Variants in UBTF observed in about 807,000 individuals in gnomAD.
UBTF encodes nucleolar transcription factor 1.
UBTF carries 8 observed loss-of-function variants against 112.3 expected under a neutral mutation model. The observed-to-expected ratio is 0.07, with a 90% CI of 0.04 to 0.13. UBTF has a LOEUF of 0.13. Among genes scored for constraint, UBTF ranks in the 10% least tolerant of loss-of-function variants. The probability of loss-of-function intolerance (pLI) is 1.00; values close to 1 mark genes in which losing one functional copy is unlikely to be tolerated. For synonymous variants in UBTF, 417 were observed against 373.1 expected (o/e 1.12, Z -1.36); for missense variants, 457 against 982.1 (o/e 0.47, Z 7.15).
intron 2 of UBTF, 108 bp from the exon 3 acceptor site, chr17:44,216,812 G>T: frequency 8.8e-7 from 1 of 1,130,402 alleles, no homozygotes; most frequent in Non-Finnish European, 1.3e-6. Context: ...CCCAGCCCCT[G>T]GTTGCTTCCC....
At chr17:44,213,405 G>A in intron 5 of UBTF, 123 bp from the exon 6 acceptor site, 3 of 1,099,326 alleles carry the variant, frequency 2.7e-6, no homozygotes, top group Non-Finnish European at 3.8e-6. Flanking sequence ...AGGGAGTGGA[G>A]GCTGGCGCCC....
chr17:44,210,444 G>A lies in UBTF; in HGVS notation c.1389C>T (p.Leu463=). The A allele has an allele frequency of 1.2e-6, 2 of 1,612,956 alleles. No homozygotes were observed. Among genetic ancestry groups the A allele is most frequent in the South Asian group, 2.2e-5 (2 of 91,054 alleles). Residue 463 remains leucine (L), a synonymous_variant, in exon 14 of 21, where the codon CTC becomes CTT. Coordinates refer to ENST00000436088, the MANE Select transcript of UBTF (RefSeq NM_014233.4). The part of the protein sequence containing the change: ...KAKYKAREAA[L]KAQSERKPGG... The stretch of plus-strand genomic sequence containing the variant: ...CGGGCTTCCTCTCCGACTGAGCCTT[G>A]AGCGCCGCCTCTCGGGCCTTGTACT...
In UBTF at chr17:44,218,333, G is replaced by A. The variant is rs960192529; in HGVS notation, c.-67-37C>T. 3.8e-6 allele frequency: 5 copies of A among 1,322,992 alleles called. No individual in the cohort carries two copies. The Admixed American group carries it at 5.8e-5, about 15-fold the overall frequency. The allele number at this position is 1,322,992 out of a possible 1,614,324, so 82.0% of individuals were successfully genotyped here. ...ATACCAGTTCCCACTCAGGAAGGCT[G>A]AGAGGTGAACGACTAACGACTTTCT... is the stretch of plus-strand genomic sequence containing the variant. On this transcript the variant is annotated intron_variant, in intron 1 of 20. Transcript: ENST00000436088.
chr17:44,212,323 G>A (rs988697985), intron 8 of UBTF, 21 bp downstream of exon 8: 8 of 1,597,424 alleles, frequency 5.0e-6, no homozygotes, highest in Non-Finnish European at 1.7e-6. Flanking sequence ...CGGACGGGGA[G>A]GAGCGCAGCG....
chr17:44,220,511 A>AG (rs891565076), upstream of UBTF, among the ~76,000 whole-genome samples: 24 of 151,640 alleles, frequency 1.6e-4, no homozygotes, highest in African/African-American at 4.6e-4. Context: ...AACTTAAAAA[A>AG]AAACCCGAAA....
chr17:44,212,727 G>A (rs910909621), intron 7 of UBTF, 92 bp downstream of exon 7: 104 of 1,564,032 alleles, frequency 6.6e-5, no homozygotes, highest in Admixed American at 3.6e-5. Flanking sequence ...CTCCTCTCCT[G>A]CTCCCCTGCA....
Position 44,211,362 on chromosome 17 carries a change from T to C in UBTF, c.1048-31A>G, listed in dbSNP as rs998524537. 20 of 1,613,252 alleles carry C rather than the reference T, an allele frequency of 1.2e-5. No individual in the cohort carries two copies. The highest frequency in any genetic ancestry group is 1.6e-5 in the Non-Finnish European group (19 of 1,179,766). On this transcript the variant is annotated intron_variant, in intron 10 of 20. Transcript: ENST00000436088. The surrounding 1 kb of genome is among the most constrained non-coding windows in gnomAD (Gnocchi z 4.9). ...AAAGTGAGTGGAGTCAGGATCAGTCTGGAGACAGTGTCACCACAGACCCTG... is the reference window on the plus strand; with the variant it reads ...AAAGTGAGTGGAGTCAGGATCAGTCCGGAGACAGTGTCACCACAGACCCTG...
In UBTF at chr17:44,212,488, A is replaced by T. The variant is rs1225229823; in HGVS notation, c.661-34T>A. The T allele has an allele frequency of 8.3e-5, 45 of 543,536 alleles. No homozygotes were observed. In the Admixed American group the frequency reaches 1.0e-3, roughly 12 times the overall value. 33.7% of individuals were successfully genotyped at this position (543,536 alleles called of 1,614,324 possible). The stretch of plus-strand genomic sequence containing the variant: ...CAAAAGCCGTCAGACACGCACAGGC[A>T]GCCAGGGGCAGGGGGAGGGGGGAAG... On this transcript the variant is annotated intron_variant, in intron 7 of 20. Transcript: ENST00000436088.
In UBTF at chr17:44,210,307, A is replaced by G; in HGVS notation, c.1515+11T>C. 6.2e-7 allele frequency: 1 copy of G among 1,614,040 alleles called. No individual in the cohort carries two copies. Among genetic ancestry groups the G allele is most frequent in the Non-Finnish European group, 8.5e-7 (1 of 1,179,980 alleles). Reference sequence around the variant, plus strand: ...AGAGGCTGCAGTACTACCCTTTCCCACCCCTGTCACCTTGAAGCGGGCCAG... The same window carrying G: ...AGAGGCTGCAGTACTACCCTTTCCCGCCCCTGTCACCTTGAAGCGGGCCAG... On this transcript the variant is annotated intron_variant, in intron 14 of 20. Coordinates refer to ENST00000436088, the MANE Select transcript of UBTF (RefSeq NM_014233.4).
At chr17:44,218,401 C>A in intron 1 of UBTF, 105 bp from the exon 2 acceptor site, 1 of 662,218 alleles carries the variant, frequency 1.5e-6, no homozygotes, top group Admixed American at 2.8e-5. Flanking sequence ...CTCTGAGAGA[C>A]TCAGCCATGA....
rs779464840 is a variant in UBTF, at chr17:44,211,759, G to A, written c.906-12C>T. 1.1e-5 allele frequency: 18 copies of A among 1,603,654 alleles called. No homozygotes were observed. The highest frequency in any genetic ancestry group is 8.0e-5 in the African/African-American group (6 of 74,862). Reference sequence around the variant, plus strand: ...GCGAGTAGCTGTTCCTATCAGAGCCGCGGGGAGAGAGGTGCAGCCCGTAAG... The same window carrying A: ...GCGAGTAGCTGTTCCTATCAGAGCCACGGGGAGAGAGGTGCAGCCCGTAAG... On this transcript the variant is annotated splice_polypyrimidine_tract_variant and intron_variant, in intron 9 of 20. Coordinates refer to ENST00000436088, the MANE Select transcript of UBTF (RefSeq NM_014233.4). This position sits in a 1 kb window ranked among gnomAD's most constrained non-coding sequence, Gnocchi z 4.9.
intron 6 of UBTF, 130 bp downstream of exon 6, chr17:44,213,088 A>G: frequency 6.5e-7 from 1 of 1,528,846 alleles, no homozygotes; most frequent in Non-Finnish European, 8.9e-7. Context: ...TGAGCATGAC[A>G]CACTAGGGCT....
At chr17:44,219,289 C>T (rs1477133331) in intron 1 of UBTF, among the ~76,000 whole-genome samples, 156 bp downstream of exon 1, 2 of 151,106 alleles carry the variant, frequency 1.3e-5, no homozygotes, top group Admixed American at 1.3e-4. Context: ...TCCCCTCCCC[C>T]GGCTCTCGGC....
chr17:44,218,279 G>A lies in UBTF; in HGVS notation c.-50C>T. ...CGGTCGTGCTGGCCGGGCAACCCGG[G>A]GTCAAAGCCACCTCACCCTTTGGAA... On this transcript the variant is annotated 5_prime_UTR_variant, in exon 2 of 21. Transcript: ENST00000436088. 1 of 1,601,260 alleles carries A rather than the reference G, an allele frequency of 6.2e-7. No individual in the cohort carries two copies.
Position 44,209,646 on chromosome 17 carries a change from T to C in UBTF, c.1714A>G (p.Met572Val). 6.2e-7 allele frequency: 1 copy of C among 1,614,170 alleles called. No individual in the cohort carries two copies. The highest frequency in any genetic ancestry group is 8.5e-7 in the Non-Finnish European group (1 of 1,180,030). Residue 572 changes from methionine (M) to valine (V), a missense_variant and splice_region_variant, in exon 16 of 21, where the codon ATG (methionine) becomes GTG (valine). This residue lies in a region of UBTF where 77 missense variants were observed against 211.9 expected (regional missense o/e 0.36). Transcript: ENST00000436088. Reference protein sequence around the residue: ...KFQGEPKKPPMNGYQKFSQEL... With the variant: ...KFQGEPKKPPVNGYQKFSQEL... ...GCAGACTCCAACCCCCAGGCTCACA[T>C]GGGAGGCTTCTTGGGTTCTCCCTGG...
Position 44,210,967 on chromosome 17 carries a change from C to CG in UBTF, c.1204-21dup. 6.2e-7 allele frequency: 1 copy of CG among 1,601,702 alleles called. No homozygotes were observed. Among genetic ancestry groups the CG allele is most frequent in the Non-Finnish European group, 8.5e-7 (1 of 1,175,874 alleles). ...GCCGCCCTGTCCAGGTGCAGAGGGT[C>CG]GGGGTCCGTGGGTGCTGCCAGGGAG... On this transcript the variant is annotated intron_variant, in intron 12 of 20. Coordinates refer to ENST00000436088, the MANE Select transcript of UBTF (RefSeq NM_014233.4).
In UBTF at chr17:44,211,822, G is replaced by T. The variant is rs1336701353; in HGVS notation, c.905+51C>A. 1 of 1,602,552 alleles carries T rather than the reference G, an allele frequency of 6.2e-7. No homozygotes were observed. Among genetic ancestry groups the T allele is most frequent in the Non-Finnish European group, 8.5e-7 (1 of 1,175,194 alleles). ...CAGGCCTTCTCACCTGCAGAGCCCA[G>T]CCCAACTTCCCAGCTGCCCACTCGC... On this transcript the variant is annotated intron_variant, in intron 9 of 20. Transcript: ENST00000436088. The surrounding 1 kb of genome is among the most constrained non-coding windows in gnomAD (Gnocchi z 4.9).
In UBTF at chr17:44,213,200, T is replaced by C. The variant is rs754414817; in HGVS notation, c.539+18A>G. 1 of 1,612,082 alleles carries C rather than the reference T, an allele frequency of 6.2e-7. No individual in the cohort carries two copies. Among genetic ancestry groups the C allele is most frequent in the Admixed American group, 1.7e-5 (1 of 59,804 alleles). ...CCCCCAGTGCCCCGTGGCCCTCCTC[T>C]GGGCTCCACTGCCTTACCTGAATCG... On this transcript the variant is annotated intron_variant, in intron 6 of 20. Coordinates refer to ENST00000436088, the MANE Select transcript of UBTF (RefSeq NM_014233.4).
intron 5 of UBTF, among the ~76,000 whole-genome samples, chr17:44,214,737 C>T (rs568210670): frequency 5.3e-5 from 8 of 152,300 alleles, no homozygotes; most frequent in South Asian, 2.1e-4. Context: ...AGCATGGCAG[C>T]GGCCAGTGCC....
Sources: allele counts gnomAD v4.1 joint callset (sites outside exome capture counted in the v4.1 genomes callset), GRCh38; gene constraint gnomAD v4.1.1; regional missense constraint gnomAD v4.1.1; non-coding constraint Gnocchi (gnomAD v3.1); transcripts MANE v1.5; gene names NCBI Gene and HGNC (gene_info 2026-07-23, HGNC 2026-07-21).